The following DGKG variants were observed in gnomAD, a reference collection of about 807,000 sequenced individuals.
DGKG encodes the protein diacylglycerol kinase gamma.
Under a neutral mutation model 105.3 loss-of-function variants are expected in DGKG, and 78 were observed. The ratio of observed to expected loss-of-function variants is 0.74; its 90% CI spans 0.62 to 0.89. The LOEUF (loss-of-function observed/expected upper bound fraction) is 0.89. DGKG is among the 40% of genes least tolerant of loss of function. The pLI is 0.00. For missense variants in DGKG, 958 were observed against 1,020.1 expected (o/e 0.94, Z 0.83); for synonymous variants, 346 against 367.1 (o/e 0.94, Z 0.66).
In DGKG at chr3:186,291,618, G is replaced by A. The variant is rs910312889; in HGVS notation, c.374-2738C>T. On this transcript the variant is annotated intron_variant, in intron 5 of 24. Transcript: ENST00000265022. ...GGATAAATCTCAAAATTATTACATG[G>A]AGTGAAAAAAGGCAGACCCAAAAGA... Among the ~76,000 whole-genome samples, 3 of 151,972 alleles carry A rather than the reference G, an allele frequency of 2.0e-5. No homozygotes were observed. In the East Asian group the frequency reaches 5.8e-4, roughly 29 times the overall value.
At chr3:186,213,180 G>A (rs1719116737) in intron 20 of DGKG, among the ~76,000 whole-genome samples, 1 of 152,218 alleles carries the variant, frequency 6.6e-6, no homozygotes, top group African/African-American at 2.4e-5. Context: ...GAAAGTAAGA[G>A]TAAGCAAGCT....
intron 20 of DGKG, among the ~76,000 whole-genome samples, chr3:186,234,205 G>A (rs183254205): frequency 6.6e-6 from 1 of 152,260 alleles, no homozygotes; most frequent in Non-Finnish European, 1.5e-5. Context: ...AAATATTTGA[G>A]GCCAATGATC....
intron 1 of DGKG, among the ~76,000 whole-genome samples, chr3:186,352,213 C>T (rs961362388): frequency 2.0e-5 from 3 of 152,178 alleles, no homozygotes; most frequent in African/African-American, 4.8e-5. Flanking sequence ...AGCCACCCCC[C>T]TGCTTGACCA....
intron 21 of DGKG, among the ~76,000 whole-genome samples, chr3:186,193,026 T>C (rs1294595271): frequency 6.6e-6 from 1 of 152,186 alleles, no homozygotes; most frequent in Non-Finnish European, 1.5e-5. Context: ...TACCTCTTCC[T>C]GGAAGAGCAG....
intron 21 of DGKG, among the ~76,000 whole-genome samples, chr3:186,199,550 T>C (rs1336265883): frequency 6.6e-6 from 1 of 152,162 alleles, no homozygotes; most frequent in Non-Finnish European, 1.5e-5. Flanking sequence ...TCTTGCTCTG[T>C]AGCCCAGGCT....
At position 186,268,921 on chromosome 3, in the gene DGKG, C is replaced by A. The variant is rs765549949; in HGVS notation, c.1000-4G>T. 2.0e-5 allele frequency: 32 copies of A among 1,607,436 alleles called. No individual in the cohort carries two copies. The highest frequency in any genetic ancestry group is 2.6e-5 in the Non-Finnish European group (31 of 1,174,496). Reference sequence around the variant, plus strand: ...CCACCCATGCGTGCTGCATCACCTGCGGGAGGGAAGCGAACGATGCCAGGG... The same window carrying A: ...CCACCCATGCGTGCTGCATCACCTGAGGGAGGGAAGCGAACGATGCCAGGG... On this transcript the variant is annotated splice_region_variant and splice_polypyrimidine_tract_variant and intron_variant, in intron 11 of 24. Transcript: ENST00000265022.
At chr3:186,327,390 C>CTTTTTTTTTTTTTTTTTCTT (rs36076414) in intron 1 of DGKG, among the ~76,000 whole-genome samples, 1 of 136,006 alleles carries the variant, frequency 7.4e-6, no homozygotes, top group African/African-American at 2.8e-5. Context: ...TTTTCTTCTT[C>CTTTTTTTTTTTTTTTTTCTT]TTTTTTTTTT....
intron 20 of DGKG, among the ~76,000 whole-genome samples, chr3:186,215,298 C>T (rs767344328): frequency 2.0e-5 from 3 of 150,800 alleles, no homozygotes; most frequent in Non-Finnish European, 2.9e-5. Context: ...GTAATCCCAG[C>T]GGCTTGGGAA....
chr3:186,343,128 C>G (rs1726161906), intron 1 of DGKG, among the ~76,000 whole-genome samples: 1 of 152,102 alleles, frequency 6.6e-6, no homozygotes, highest in East Asian at 1.9e-4. Flanking sequence ...TCATTTTAGA[C>G]CCATAAGAGC....
chr3:186,257,661 A>C, intron 17 of DGKG, 193 bp downstream of exon 17: 5 of 529,822 alleles, frequency 9.4e-6, no homozygotes, highest in Non-Finnish European at 1.7e-5. Context: ...ATTGGAGGGA[A>C]TCATTCGATT....
At chr3:186,337,815 T>C (rs1725899506) in intron 1 of DGKG, among the ~76,000 whole-genome samples, 1 of 152,182 alleles carries the variant, frequency 6.6e-6, no homozygotes, top group African/African-American at 2.4e-5. Context: ...TCCTTTACAC[T>C]AGCAACAGCC....
chr3:186,261,410 G>A (rs1032759086), intron 15 of DGKG, among the ~76,000 whole-genome samples: 13 of 152,206 alleles, frequency 8.5e-5, no homozygotes, highest in Admixed American at 4.6e-4. Flanking sequence ...ATCTCAGAGC[G>A]TGGTCTAACT....
At chr3:186,259,094 TGCTCTCCGACGGG>T (rs66503131) in intron 16 of DGKG, among the ~76,000 whole-genome samples, 16,166 of 152,158 alleles carry the variant, frequency 0.11, 986 homozygotes, top group Middle Eastern at 0.16. Flanking sequence ...TGCAGAACTC[TGCTCTCCGACGGG>T]ACTCTCCGAC....
At chr3:186,332,589 AG>A (rs1215999891) in intron 1 of DGKG, among the ~76,000 whole-genome samples, 2 of 152,218 alleles carry the variant, frequency 1.3e-5, no homozygotes, top group African/African-American at 4.8e-5. Flanking sequence ...ATTAGAGACC[AG>A]AATTCAGATC....
At chr3:186,168,464 C>T (rs532460944) in intron 22 of DGKG, among the ~76,000 whole-genome samples, 34 of 152,302 alleles carry the variant, frequency 2.2e-4, no homozygotes, top group Admixed American at 5.2e-4. Context: ...AGTGGGGGTT[C>T]CAATCTGGCC....
At chr3:186,176,853 G>A (rs569896040) in intron 22 of DGKG, among the ~76,000 whole-genome samples, 14 of 151,890 alleles carry the variant, frequency 9.2e-5, no homozygotes, top group African/African-American at 3.2e-4. Flanking sequence ...GAGGTGCAAA[G>A]GGGCAAAGGT....
At chr3:186,314,969 C>G (rs544441256) in intron 2 of DGKG, among the ~76,000 whole-genome samples, 7 of 152,156 alleles carry the variant, frequency 4.6e-5, no homozygotes, top group Admixed American at 4.6e-4. Context: ...AAAATGCCCA[C>G]CCCCCAATGG....
At chr3:186,215,066 A>G (rs1489537148) in intron 20 of DGKG, among the ~76,000 whole-genome samples, 1 of 152,216 alleles carries the variant, frequency 6.6e-6, no homozygotes, top group Non-Finnish European at 1.5e-5. Flanking sequence ...GGAGGCAGAC[A>G]GGAGCAAGAC....
chr3:186,216,347 C>T (rs1262926978), intron 20 of DGKG, among the ~76,000 whole-genome samples: 3 of 152,140 alleles, frequency 2.0e-5, no homozygotes, highest in Admixed American at 6.6e-5. Context: ...ACCTCTGACC[C>T]ACAAGGGACG....
Sources: gnomAD v4.1 joint callset for allele counts (sites outside exome capture counted in the v4.1 genomes callset) on GRCh38, gnomAD v4.1.1 for gene constraint, MANE v1.5 for transcripts, NCBI Gene and HGNC (gene_info 2026-07-23, HGNC 2026-07-21) for gene names.